WDR41: variants seen among roughly 807,000 people sequenced by gnomAD.
WDR41 encodes the protein WD repeat domain 41.
In WDR41, 63 loss-of-function variants were observed where a neutral mutation model predicts 69.3. The observed-to-expected ratio is 0.91, with a 90% CI of 0.74 to 1.12. The LOEUF (loss-of-function observed/expected upper bound fraction) is 1.12. Ranked by LOEUF, WDR41 falls within the 50% of genes most tolerant of loss-of-function variation. The pLI is 0.00. For synonymous variants in WDR41, 185 were observed against 192.1 expected (o/e 0.96, Z 0.31); for missense variants, 543 against 534.5 (o/e 1.02, Z -0.16).
chr5:77,494,890 C>T (rs1018254223), upstream of WDR41, among the ~76,000 whole-genome samples: 3 of 152,084 alleles, frequency 2.0e-5, no homozygotes, highest in Non-Finnish European at 4.4e-5. Flanking sequence ...TTAGATAGAC[C>T]ATATGTTAGG....
rs188610234 is a variant in WDR41 at position 77,501,711 on chromosome 5, G to T, written c.43-12139C>A. On this transcript the variant is annotated intron_variant, in intron 1 of 5. Coordinates refer to the WDR41 transcript ENST00000509971. ...ATCAGGCAGCAATATTTGCTGTTCT[G>T]CAGCCTCTGCTTGTGATACCAAGGC... 5.3e-3 allele frequency among the ~76,000 whole-genome samples: 807 copies of T among 152,214 alleles called. 5 individuals are homozygous for T. Among genetic ancestry groups the T allele is most frequent in the Non-Finnish European group, 9.0e-3 (610 of 67,984 alleles).
At chr5:77,441,754 A>G (rs1315570061) in intron 8 of WDR41, among the ~76,000 whole-genome samples, 1 of 151,938 alleles carries the variant, frequency 6.6e-6, no homozygotes. Context: ...ACACACACAC[A>G]CACAAATACA....
At chr5:77,555,178 T>C (rs146863029) in intron 1 of WDR41, among the ~76,000 whole-genome samples, 2 of 152,188 alleles carry the variant, frequency 1.3e-5, no homozygotes, top group African/African-American at 2.4e-5. Flanking sequence ...GTGAATTGTA[T>C]TAATTTTCTG....
chr5:77,486,295 T>C (rs1801520629), intron 2 of WDR41, among the ~76,000 whole-genome samples: 1 of 152,246 alleles, frequency 6.6e-6, no homozygotes, highest in African/African-American at 2.4e-5. Flanking sequence ...GTAAATTTGA[T>C]GACTTTTCAA....
At chr5:77,606,336 G>A (rs1744417982) in intron 1 of WDR41, among the ~76,000 whole-genome samples, 1 of 152,138 alleles carries the variant, frequency 6.6e-6, no homozygotes, top group African/African-American at 2.4e-5. Flanking sequence ...GTGAGAAAAG[G>A]AGAGGTAGGG....
At chr5:77,521,521 A>G (rs558449427) in intron 1 of WDR41, among the ~76,000 whole-genome samples, 1 of 152,348 alleles carries the variant, frequency 6.6e-6, no homozygotes, top group Admixed American at 6.5e-5. Context: ...AAAATATTAT[A>G]CCAAAACTCA....
chr5:77,490,292 C>T (rs1801714959), intron 1 of WDR41, among the ~76,000 whole-genome samples: 1 of 152,070 alleles, frequency 6.6e-6, no homozygotes, highest in South Asian at 2.1e-4. Context: ...TGAGAACTGT[C>T]CTGTGCATTA....
intron 1 of WDR41, among the ~76,000 whole-genome samples, chr5:77,558,109 A>AAAAAAC (rs1743446435): frequency 6.7e-6 from 1 of 149,836 alleles, no homozygotes; most frequent in Non-Finnish European, 1.5e-5. Context: ...AAAAAAAAAA[A>AAAAAAC]AAAAAAACAA....
At chr5:77,538,081 AC>A (rs1405247722) in intron 1 of WDR41, among the ~76,000 whole-genome samples, 1 of 151,684 alleles carries the variant, frequency 6.6e-6, no homozygotes, top group African/African-American at 2.4e-5. Flanking sequence ...CTCATCATTC[AC>A]CCCCTCCCAC....
chr5:77,458,417 T>C (rs543301755), intron 5 of WDR41, among the ~76,000 whole-genome samples: 1 of 152,278 alleles, frequency 6.6e-6, no homozygotes, highest in East Asian at 1.9e-4. Context: ...AGGGAACATC[T>C]ACTGCTACTA....
At chr5:77,454,885 A>G (rs113570871) in intron 5 of WDR41, among the ~76,000 whole-genome samples, 8,221 of 152,220 alleles carry the variant, frequency 0.054, 378 homozygotes, top group South Asian at 0.13. Context: ...CACTGTGTGG[A>G]TATACATTGT....
At chr5:77,471,249 C>A (rs371629454) in intron 2 of WDR41, among the ~76,000 whole-genome samples, 1 of 152,088 alleles carries the variant, frequency 6.6e-6, no homozygotes. Context: ...ACACAACATA[C>A]CAGAATCTCT....
rs141080766 is a variant in WDR41, at chr5:77,443,611, A to G, written c.698-2614T>C. ...TTAAGGCAGTACTCATCTTCCCAGG[A>G]CCTTCTTTCCCACACCTTTCCCTCC... On this transcript the variant is annotated intron_variant, in intron 8 of 12. Transcript: ENST00000296679. 3.6e-3 allele frequency among the ~76,000 whole-genome samples: 541 copies of G among 152,230 alleles called. 3 individuals carry two copies. The highest frequency in any genetic ancestry group is 0.012 in the African/African-American group (502 of 41,522).
intron 2 of WDR41, among the ~76,000 whole-genome samples, chr5:77,474,742 G>T (rs950135513): frequency 6.6e-6 from 1 of 152,146 alleles, no homozygotes; most frequent in Non-Finnish European, 1.5e-5. Context: ...AAAACATTTG[G>T]TAAGTTCTTC....
rs529268923 is a variant in WDR41 at position 77,475,157 on chromosome 5, G to T, written c.168-10348C>A. On this transcript the variant is annotated intron_variant, in intron 2 of 12. Coordinates refer to ENST00000296679, the MANE Select transcript of WDR41 (RefSeq NM_018268.4). ...GAGATTATATCCTGCACCTCACTTG[G>T]AGGGTCCTACGCCCACAGAGTCTCG... 7.2e-5 allele frequency among the ~76,000 whole-genome samples: 11 copies of T among 152,330 alleles called. No individual in the cohort carries two copies. The South Asian group carries it at 2.3e-3, about 32-fold the overall frequency.
chr5:77,557,779 C>A (rs1743436976), intron 1 of WDR41, among the ~76,000 whole-genome samples: 1 of 151,864 alleles, frequency 6.6e-6, no homozygotes, highest in South Asian at 2.1e-4. Flanking sequence ...TAATAGAGAA[C>A]AATGAAAACA....
Position 77,489,580 on chromosome 5 carries a change from T to TGG in WDR41, c.52-9_52-8insCC, listed in dbSNP as rs56195720. 2.9e-6 allele frequency: 4 copies of TGG among 1,368,266 alleles called. No homozygotes were observed. Among genetic ancestry groups the TGG allele is most frequent in the Middle Eastern group, 1.9e-4 (1 of 5,262 alleles). 84.8% of individuals were successfully genotyped at this position (1,368,266 alleles called of 1,614,324 possible). On this transcript the variant is annotated splice_polypyrimidine_tract_variant and intron_variant, in intron 1 of 12. Coordinates refer to ENST00000296679, the MANE Select transcript of WDR41 (RefSeq NM_018268.4). ...TGTCTGTAAAGGAGATTTCTTGTAT[T>TGG]GAAAAAAAAAAAAAAGCAAAAAACA...
chr5:77,583,034 T>G, intron 1 of WDR41: 1 of 1,597,978 alleles, frequency 6.3e-7, no homozygotes, highest in Non-Finnish European at 8.5e-7. Context: ...CGAGGTGGAA[T>G]GAAGAAAAAG....
At chr5:77,464,548 G>C (rs1581724588) in intron 3 of WDR41, among the ~76,000 whole-genome samples, 1 of 151,462 alleles carries the variant, frequency 6.6e-6, no homozygotes, top group Non-Finnish European at 1.5e-5. Flanking sequence ...CACCCAGCTG[G>C]AAAAAAAATC....
Sources: gnomAD v4.1 joint callset for allele counts (sites outside exome capture counted in the v4.1 genomes callset) on GRCh38, gnomAD v4.1.1 for gene constraint, MANE v1.5 for transcripts, NCBI Gene and HGNC (gene_info 2026-07-23, HGNC 2026-07-21) for gene names.